Variants in TTLL8 observed in about 807,000 individuals in gnomAD.
TTLL8 encodes the protein tubulin tyrosine ligase like 8, also known as protein monoglycylase TTLL8.
A neutral mutation model predicts 77.8 loss-of-function variants in TTLL8; 65 were observed. The observed-to-expected ratio is 0.84, with a 90% CI of 0.68 to 1.03. The LOEUF is 1.03. TTLL8 is among the 50% of genes least tolerant of loss of function. The pLI, the probability that TTLL8 is intolerant of heterozygous loss-of-function variation, is 0.00. For synonymous variants in TTLL8, 402 were observed against 422.8 expected (o/e 0.95, Z 0.60); for missense variants, 910 against 1,004.5 (o/e 0.91, Z 1.27).
Position 50,050,357 on chromosome 22 carries a change from C to G in TTLL8, c.52-110G>C, listed in dbSNP as rs997035033. 13 of 704,740 alleles carry G rather than the reference C, an allele frequency of 1.8e-5. No individual in the cohort carries two copies. The East Asian group carries it at 6.1e-4, about 33-fold the overall frequency. 43.7% of individuals were successfully genotyped at this position (704,740 alleles called of 1,614,324 possible). A position where few individuals can be genotyped will look rare whatever the true frequency, so the allele number is the denominator to read the frequency against. ...TGCTGGTTTCTGAGATTTGGGGGCA[C>G]CCATCACCCAATATGTCCTTTTTTT... On this transcript the variant is annotated intron_variant, in intron 1 of 13. Coordinates refer to ENST00000266182, the Ensembl canonical transcript of TTLL8.
chr22:50,033,139 C>G, intron 10 of TTLL8, 63 bp downstream of exon 11: 1 of 1,281,062 alleles, frequency 7.8e-7, no homozygotes, highest in South Asian at 1.3e-5. Context: ...TGCGGCTGCT[C>G]CAGGCATGCA....
chr22:50,024,030 A>G (rs552086969), intron 12 of TTLL8, among the ~76,000 whole-genome samples: 1 of 152,206 alleles, frequency 6.6e-6, no homozygotes, highest in Non-Finnish European at 1.5e-5. Context: ...AAAACAAACA[A>G]ACAGACAACA....
intron 12 of TTLL8, among the ~76,000 whole-genome samples, chr22:50,020,608 T>C (rs2061189542): frequency 7.5e-6 from 1 of 132,796 alleles, no homozygotes. Flanking sequence ...AACTCCTCCA[T>C]CTAACGACGT....
intron 1 of TTLL8, among the ~76,000 whole-genome samples, 157 bp from the exon 4 acceptor site, chr22:50,050,404 AC>A (rs1346127494): frequency 6.9e-6 from 1 of 145,184 alleles, no homozygotes; most frequent in Non-Finnish European, 1.5e-5. Context: ...ATGGAATCTC[AC>A]TCTGTCATCC....
At chr22:50,028,113 T>C (rs137890) in intron 12 of TTLL8, among the ~76,000 whole-genome samples, 133,376 of 152,128 alleles carry the variant, frequency 0.88, 58,680 homozygotes, top group South Asian at 0.97. Context: ...GCGGGGACTC[T>C]GAAGGCAGGC....
chr22:50,027,713 C>A (rs1236198659), intron 12 of TTLL8: 1 of 985,320 alleles, frequency 1.0e-6, no homozygotes, highest in Non-Finnish European at 1.2e-6. Context: ...CCTTTTGCAG[C>A]ACAGGCTCTG....
Position 50,051,634 on chromosome 22 carries a change from C to T in TTLL8, c.52-1387G>A, listed in dbSNP as rs751524010. On this transcript the variant is annotated intron_variant, in intron 1 of 13. Coordinates refer to ENST00000266182, the Ensembl canonical transcript of TTLL8. ...CACGCTGTTTTCCACAGTGGTTGCA[C>T]TAGTTTATATTCCCACCAGCAGCGT... is the stretch of plus-strand genomic sequence containing the variant. 2.0e-5 allele frequency among the ~76,000 whole-genome samples: 3 copies of T among 152,162 alleles called. No homozygotes were observed. In the South Asian group the frequency reaches 6.2e-4, roughly 32 times the overall value.
intron 1 of TTLL8, among the ~76,000 whole-genome samples, chr22:50,052,750 GA>G (rs2061450856): frequency 6.6e-6 from 1 of 152,156 alleles, no homozygotes; most frequent in Middle Eastern, 3.2e-3. Context: ...CACCTATTAA[GA>G]AGGCATTAGT....
chr22:50,030,692 G>A, exon 12 of TTLL8: 3 of 1,289,790 alleles, frequency 2.3e-6, no homozygotes, highest in Non-Finnish European at 3.0e-6. Flanking sequence ...GCAAGGCCAG[G>A]GGGAGCCCCT....
chr22:50,025,503 G>A (rs1241313750), intron 12 of TTLL8, among the ~76,000 whole-genome samples: 2 of 152,138 alleles, frequency 1.3e-5, no homozygotes, highest in African/African-American at 4.8e-5. Context: ...GCTGGGCATG[G>A]TGGTGCGTGC....
chr22:50,023,021 C>T (rs1734532900), intron 12 of TTLL8, among the ~76,000 whole-genome samples: 1 of 151,232 alleles, frequency 6.6e-6, no homozygotes, highest in Non-Finnish European at 1.5e-5. Context: ...ATTTTAGCAA[C>T]AAACCAGAAC....
chr22:50,047,155 G>T lies in TTLL8; in HGVS notation c.393+13C>A. ...TTGCCGGCTCCCGCCACGCTCAAGC[G>T]CGGCCGGCTCACCTTGGTGGTGAAG... On this transcript the variant is annotated intron_variant, in intron 4 of 13. Transcript: ENST00000266182. 7.3e-7 allele frequency: 1 copy of T among 1,367,116 alleles called. No individual in the cohort carries two copies. Among genetic ancestry groups the T allele is most frequent in the Non-Finnish European group, 9.8e-7 (1 of 1,021,602 alleles). The allele number at this position is 1,367,116 out of a possible 1,614,324, so 84.7% of individuals were successfully genotyped here.
chr22:50,057,303 GTC>G (rs2061477675), upstream of TTLL8, among the ~76,000 whole-genome samples: 2 of 131,684 alleles, frequency 1.5e-5, no homozygotes, highest in African/African-American at 3.2e-5. Flanking sequence ...GGGTTTGGGG[GTC>G]AGGACTGGGT....
exon 11 of TTLL8, chr22:50,032,010 C>T: frequency 7.3e-7 from 1 of 1,366,602 alleles, no homozygotes; most frequent in South Asian, 1.1e-5. Context: ...ACTCCTGGAA[C>T]CTGGTGCTGG....
chr22:50,019,255 G>A (rs117908569), intron 12 of TTLL8, among the ~76,000 whole-genome samples: 3,498 of 152,256 alleles, frequency 0.023, 63 homozygotes, highest in South Asian at 0.051. Context: ...GAGAAGAAGC[G>A]TCAATGAAAA....
chr22:50,057,331 G>T (rs1369553108), upstream of TTLL8, among the ~76,000 whole-genome samples: 2 of 75,564 alleles, frequency 2.6e-5, no homozygotes, highest in East Asian at 5.1e-4. Flanking sequence ...GTCAGGTCTG[G>T]GTTGTGAGTC....
chr22:50,043,073 C>A (rs1469070477), intron 6 of TTLL8, among the ~76,000 whole-genome samples: 3 of 152,192 alleles, frequency 2.0e-5, no homozygotes, highest in Non-Finnish European at 1.5e-5. Flanking sequence ...ATCGTCAAAA[C>A]CTGGAAGTGA....
intron 12 of TTLL8, among the ~76,000 whole-genome samples, chr22:50,022,476 A>C: frequency 7.4e-6 from 1 of 134,438 alleles, no homozygotes; most frequent in African/African-American, 2.9e-5. Flanking sequence ...TCTGACGTGT[A>C]CTCCTCCATC....
rs183714321 is a variant in TTLL8 at position 50,022,040 on chromosome 22, C to T, written c.2204-5478G>A. Reference sequence around the variant, plus strand: ...TGTGCGCTCCTTCATCTGACATGCACTCCTCCATCTGATGATGTGTACTCC... The same window carrying T: ...TGTGCGCTCCTTCATCTGACATGCATTCCTCCATCTGATGATGTGTACTCC... On this transcript the variant is annotated intron_variant, in intron 12 of 13. Coordinates refer to ENST00000266182, the Ensembl canonical transcript of TTLL8. Among the ~76,000 whole-genome samples the T allele has an allele frequency of 1.6e-4, 23 of 143,956 alleles. No homozygotes were observed. In the East Asian group the frequency reaches 4.5e-3, roughly 28 times the overall value. The allele number at this position is 143,956 out of a possible 152,430, so 94.4% of individuals were successfully genotyped here.
Sources: gnomAD v4.1 joint callset for allele counts (sites outside exome capture counted in the v4.1 genomes callset) on GRCh38, gnomAD v4.1.1 for gene constraint, MANE v1.5 for transcripts, NCBI Gene and HGNC (gene_info 2026-07-23, HGNC 2026-07-21) for gene names.